The following ARHGEF7 variants were observed in gnomAD, a reference collection of about 807,000 sequenced individuals.
ARHGEF7 encodes the protein Rho guanine nucleotide exchange factor 7.
In ARHGEF7, 33 loss-of-function variants were observed where a neutral mutation model predicts 109.8. The ratio of observed to expected loss-of-function variants is 0.30; its 90% CI spans 0.23 to 0.40. ARHGEF7 has a LOEUF of 0.40. Ranked by LOEUF, ARHGEF7 falls within the 10% of genes least tolerant of loss-of-function variation. The pLI, the probability that ARHGEF7 is intolerant of heterozygous loss-of-function variation, is 1.00. For missense variants in ARHGEF7, 938 were observed against 1,098.5 expected (o/e 0.85, Z 2.07); for synonymous variants, 458 against 424.6 (o/e 1.08, Z -0.97).
chr13:111,293,055 A>G (rs1301424644), intron 19 of ARHGEF7: 3 of 985,294 alleles, frequency 3.0e-6, no homozygotes, highest in Non-Finnish European at 3.6e-6. Context: ...CTTCACCCCA[A>G]ACTTCCCTGA....
chr13:111,295,277 G>A (rs573378271), intron 19 of ARHGEF7: 10 of 864,882 alleles, frequency 1.2e-5, no homozygotes, highest in African/African-American at 1.8e-5. Flanking sequence ...CTACCTGAAC[G>A]GAACATCTTC....
intron 2 of ARHGEF7, among the ~76,000 whole-genome samples, chr13:111,183,010 G>A (rs1448439044): frequency 2.0e-5 from 3 of 152,336 alleles, no homozygotes; most frequent in Non-Finnish European, 2.9e-5. Flanking sequence ...GAGCTGTGAT[G>A]TTGTGTAGGT....
chr13:111,288,832 GTTA>G (rs1211352221), intron 18 of ARHGEF7, among the ~76,000 whole-genome samples: 4 of 152,076 alleles, frequency 2.6e-5, no homozygotes, highest in Admixed American at 1.3e-4. Flanking sequence ...TTTTTATTTT[GTTA>G]TTATTTTTTA....
chr13:111,170,236 T>A (rs1486080277), intron 2 of ARHGEF7, among the ~76,000 whole-genome samples: 1 of 152,220 alleles, frequency 6.6e-6, no homozygotes, highest in Admixed American at 6.5e-5. Flanking sequence ...TAGCTGAGAT[T>A]ACAGGCATGT....
chr13:111,261,779 C>T (rs1595299792), intron 8 of ARHGEF7, among the ~76,000 whole-genome samples: 1 of 152,000 alleles, frequency 6.6e-6, no homozygotes, highest in Non-Finnish European at 1.5e-5. Context: ...ATTCTTCTGA[C>T]CACAATGGAA....
chr13:111,226,017 A>G (rs889798610), intron 5 of ARHGEF7, among the ~76,000 whole-genome samples: 4 of 152,234 alleles, frequency 2.6e-5, no homozygotes, highest in South Asian at 2.1e-4. Flanking sequence ...CGTGAATACA[A>G]ATGAAAAGCT....
chr13:111,283,553 G>T (rs1348387165), intron 16 of ARHGEF7, among the ~76,000 whole-genome samples, 190 bp downstream of exon 16: 4 of 152,248 alleles, frequency 2.6e-5, no homozygotes, highest in Non-Finnish European at 1.5e-5. Context: ...AACCTGTGTG[G>T]GAAGGCGATG....
rs564281481 is a variant in ARHGEF7, at chr13:111,241,974, C to T, written c.760-1898C>T. On this transcript the variant is annotated intron_variant, in intron 6 of 21. Coordinates refer to ENST00000646102, the MANE Select transcript of ARHGEF7 (RefSeq NM_001354046.2). ...TTGTTCTGGAGGACAGGCCTGGTTT[C>T]GAGTAGCGTCTCTGGGGTGTGGTGG... is the stretch of plus-strand genomic sequence containing the variant. 6.6e-5 allele frequency among the ~76,000 whole-genome samples: 10 copies of T among 152,268 alleles called. No individual in the cohort carries two copies. In the South Asian group the frequency reaches 1.5e-3, roughly 22 times the overall value.
chr13:111,210,109 C>CA, intron 4 of ARHGEF7, 107 bp downstream of exon 4: 1 of 1,453,442 alleles, frequency 6.9e-7, no homozygotes, highest in East Asian at 2.3e-5. Context: ...TTAAACAGGG[C>CA]AAAGGTAGCT....
chr13:111,175,580 A>G (rs1330798178), intron 2 of ARHGEF7, among the ~76,000 whole-genome samples: 2 of 152,124 alleles, frequency 1.3e-5, no homozygotes, highest in Non-Finnish European at 2.9e-5. Flanking sequence ...GAAGGACTGG[A>G]GGCCCCAGGG....
At chr13:111,261,731 A>G (rs1187771480) in intron 8 of ARHGEF7, among the ~76,000 whole-genome samples, 2 of 152,238 alleles carry the variant, frequency 1.3e-5, no homozygotes, top group African/African-American at 4.8e-5. Flanking sequence ...TTTTTTAAAA[A>G]TGAGATTCAT....
chr13:111,208,652 CT>C (rs1306430029), intron 3 of ARHGEF7, among the ~76,000 whole-genome samples: 1 of 152,104 alleles, frequency 6.6e-6, no homozygotes, highest in Non-Finnish European at 1.5e-5. Context: ...TGGAAATGCC[CT>C]TTTAGCTGGT....
chr13:111,178,918 G>A (rs532381415), intron 2 of ARHGEF7, among the ~76,000 whole-genome samples: 3 of 152,228 alleles, frequency 2.0e-5, no homozygotes, highest in East Asian at 1.9e-4. Context: ...CCTAGGCTAC[G>A]GATGGTGAGC....
intron 8 of ARHGEF7, among the ~76,000 whole-genome samples, chr13:111,264,536 A>G (rs996960041): frequency 5.3e-5 from 8 of 152,026 alleles, no homozygotes; most frequent in African/African-American, 1.9e-4. Context: ...GCTGTGGGCA[A>G]GGTCCCTGCT....
chr13:111,262,569 C>T (rs1204222220), intron 8 of ARHGEF7, among the ~76,000 whole-genome samples: 2 of 152,240 alleles, frequency 1.3e-5, no homozygotes, highest in Non-Finnish European at 2.9e-5. Context: ...GCTCTGTCTT[C>T]ATGGGCATCT....
At chr13:111,153,263 G>A (rs1566637059) in intron 1 of ARHGEF7, among the ~76,000 whole-genome samples, 2 of 152,214 alleles carry the variant, frequency 1.3e-5, no homozygotes. Context: ...GGGCCCCTCT[G>A]GGCCAGGCTG....
chr13:111,222,574 C>T (rs1039310257), intron 5 of ARHGEF7, among the ~76,000 whole-genome samples: 9 of 152,146 alleles, frequency 5.9e-5, no homozygotes, highest in African/African-American at 1.4e-4. Flanking sequence ...GGATTATAGG[C>T]ACGTGCCACC....
At chr13:111,297,078 T>C (rs2093443324) in intron 19 of ARHGEF7, among the ~76,000 whole-genome samples, 1 of 152,368 alleles carries the variant, frequency 6.6e-6, no homozygotes, top group African/African-American at 2.4e-5. Flanking sequence ...ATTTCTGAGA[T>C]AACTTGTTAA....
intron 10 of ARHGEF7, 114 bp downstream of exon 10, chr13:111,274,066 GAGTTTACAAAGAGTT>G: frequency 7.8e-7 from 1 of 1,282,316 alleles, no homozygotes. Flanking sequence ...AGAACCAACA[GAGTTTACAAAGAGTT>G]TTGTTAAATA....
Sources: gnomAD v4.1 joint callset for allele counts (sites outside exome capture counted in the v4.1 genomes callset) on GRCh38, gnomAD v4.1.1 for gene constraint, MANE v1.5 for transcripts, NCBI Gene and HGNC (gene_info 2026-07-23, HGNC 2026-07-21) for gene names.